CRB1: variants seen among roughly 807,000 people sequenced by gnomAD.
CRB1 encodes protein crumbs homolog 1.
In CRB1, 83 loss-of-function variants were observed where a neutral mutation model predicts 120.0. That is an observed-to-expected ratio of 0.69 (90% confidence interval 0.58 to 0.83). The LOEUF (loss-of-function observed/expected upper bound fraction) is 0.83, where lower values mean the gene tolerates loss of function less well. Ranked by LOEUF, CRB1 falls within the 40% of genes least tolerant of loss-of-function variation. The pLI, the probability that CRB1 is intolerant of heterozygous loss-of-function variation, is 0.00. For missense variants in CRB1, 1,699 were observed against 1,687.6 expected (o/e 1.01, Z -0.12); for synonymous variants, 625 against 612.5 (o/e 1.02, Z -0.30).
chr1:197,249,778 A>G, the CRB1 span, among the ~76,000 whole-genome samples: 1 of 152,042 alleles, frequency 6.6e-6, no homozygotes, highest in Non-Finnish European at 1.5e-5. Context: ...AGATTAACTC[A>G]GATGAGAGAA....
At chr1:197,359,350 T>G (rs554492400) in intron 5 of CRB1, among the ~76,000 whole-genome samples, 3 of 131,254 alleles carry the variant, frequency 2.3e-5, no homozygotes, top group East Asian at 2.0e-4. Flanking sequence ...AGAATAAGAG[T>G]TTTTTTTTTT....
At chr1:197,456,126 A>G (rs914423132) in intron 11 of CRB1, among the ~76,000 whole-genome samples, 1 of 152,170 alleles carries the variant, frequency 6.6e-6, no homozygotes, top group Non-Finnish European at 1.5e-5. Context: ...ACAGTTATAA[A>G]GGAAAACTGA....
intron 5 of CRB1, among the ~76,000 whole-genome samples, chr1:197,370,515 C>G (rs1334790081): frequency 6.6e-6 from 1 of 152,048 alleles, no homozygotes; most frequent in Non-Finnish European, 1.5e-5. Flanking sequence ...AAATCAACTC[C>G]AAAAGGAACT....
chr1:197,237,025 T>C, the CRB1 span, among the ~76,000 whole-genome samples: 1 of 152,158 alleles, frequency 6.6e-6, no homozygotes, highest in Non-Finnish European at 1.5e-5. Context: ...ATTAGGGTAA[T>C]GCTAACCTCG....
chr1:197,325,590 T>C (rs555069453), intron 1 of CRB1, among the ~76,000 whole-genome samples: 2 of 152,302 alleles, frequency 1.3e-5, no homozygotes, highest in East Asian at 3.9e-4. Context: ...TTACTCAATT[T>C]TTTTTCAAAT....
chr1:197,435,503 G>T lies in CRB1; in HGVS notation c.3640G>T (p.Asp1214Tyr). The T allele has an allele frequency of 6.2e-7, 1 of 1,610,644 alleles. No homozygotes were observed. The highest frequency in any genetic ancestry group is 8.5e-7 in the Non-Finnish European group (1 of 1,178,398). The change falls in exon 9 of 12, where the codon GAT becomes TAT. Residue 1214 changes from aspartate (D) to tyrosine (Y), a missense_variant. Asp to Tyr is a radical substitution (Grantham distance 160, BLOSUM62 -3). Coordinates refer to ENST00000367400, the MANE Select transcript of CRB1 (RefSeq NM_201253.3). ...PGYTGVNCEV[D>Y]IDNCQSHQCA... ...ATACACTGGTGTGAACTGTGAAGTG[G>T]ATATAGACAACTGCCAGAGTCACCA...
intron 5 of CRB1, among the ~76,000 whole-genome samples, chr1:197,418,173 T>G (rs1664104212): frequency 6.6e-6 from 1 of 152,184 alleles, no homozygotes; most frequent in Non-Finnish European, 1.5e-5. Flanking sequence ...AATCAAATAC[T>G]TGTTATTAAT....
At position 197,478,078 on chromosome 1, in the gene CRB1, ATTGC is replaced by A; in HGVS notation, c.*200_*203del. ...TTGTTTTATTATATTATATCAGCCA[ATTGC>A]AAAAAAAGTCTGTGCCAGTAATTTC... On this transcript the variant is annotated 3_prime_UTR_variant, in exon 12 of 12. Coordinates refer to ENST00000367400, the MANE Select transcript of CRB1 (RefSeq NM_201253.3). The A allele has an allele frequency of 2.3e-5, 14 of 609,104 alleles. No individual in the cohort carries two copies. Among genetic ancestry groups the A allele is most frequent in the Admixed American group, 1.1e-4 (4 of 35,208 alleles). 37.7% of individuals were successfully genotyped at this position (609,104 alleles called of 1,614,324 possible).
At chr1:197,358,212 C>T (rs1251292770) in intron 5 of CRB1, 3 of 152,056 alleles carry the variant, frequency 2.0e-5, no homozygotes, top group African/African-American at 4.8e-5. Flanking sequence ...CTTACTATTG[C>T]CTCTTTTCAA....
At chr1:197,231,315 A>T in the CRB1 span, among the ~76,000 whole-genome samples, 9 of 152,138 alleles carry the variant, frequency 5.9e-5, no homozygotes, top group African/African-American at 1.9e-4. Context: ...CTTATTTTTG[A>T]TATTTTTCAT....
At chr1:197,342,816 T>C (rs975177004) in intron 2 of CRB1, among the ~76,000 whole-genome samples, 10 of 152,234 alleles carry the variant, frequency 6.6e-5, no homozygotes. Flanking sequence ...GCATTTACTG[T>C]ATCCAACCTC....
intron 1 of CRB1, among the ~76,000 whole-genome samples, chr1:197,307,672 C>T (rs1253373927): frequency 6.6e-6 from 1 of 152,098 alleles, no homozygotes; most frequent in African/African-American, 2.4e-5. Flanking sequence ...CAGAAATGTC[C>T]ATTATCACTG....
At chr1:197,432,152 C>T (rs1479621353) in intron 8 of CRB1, among the ~76,000 whole-genome samples, 1 of 152,004 alleles carries the variant, frequency 6.6e-6, no homozygotes, top group South Asian at 2.1e-4. Flanking sequence ...TTAGGTATAT[C>T]GTGGTTTTTA....
chr1:197,373,445 T>A (rs1169966135), intron 5 of CRB1, among the ~76,000 whole-genome samples: 1 of 152,116 alleles, frequency 6.6e-6, no homozygotes, highest in Non-Finnish European at 1.5e-5. Context: ...GACATGAGGT[T>A]GTCACTAGGG....
At chr1:197,427,345 G>T in intron 6 of CRB1, 109 bp from the exon 7 acceptor site, 5 of 821,556 alleles carry the variant, frequency 6.1e-6, no homozygotes, top group Non-Finnish European at 1.0e-5. Context: ...GTATGCTTGT[G>T]TGCATGTGTG....
intron 5 of CRB1, among the ~76,000 whole-genome samples, chr1:197,415,612 C>CA: frequency 7.7e-6 from 1 of 129,316 alleles, no homozygotes; most frequent in Non-Finnish European, 1.7e-5. Flanking sequence ...TTTCTTTTTT[C>CA]TTTTTTTTTT....
chr1:197,250,549 T>C, the CRB1 span, among the ~76,000 whole-genome samples: 2 of 152,022 alleles, frequency 1.3e-5, no homozygotes, highest in African/African-American at 4.8e-5. Context: ...TATATTACAT[T>C]ACATTGGAGG....
intron 5 of CRB1, among the ~76,000 whole-genome samples, chr1:197,374,633 T>C (rs12083773): frequency 0.26 from 39,905 of 152,122 alleles, 5,641 homozygotes; most frequent in Middle Eastern, 0.39. Flanking sequence ...AGCTCGACAC[T>C]AGTAAACAAG....
At chr1:197,254,997 A>G in the CRB1 span, among the ~76,000 whole-genome samples, 10 of 152,178 alleles carry the variant, frequency 6.6e-5, no homozygotes, top group African/African-American at 2.4e-4. Flanking sequence ...TGTTAAATTT[A>G]AAAGCATGGT....
Sources: allele counts gnomAD v4.1 joint callset (sites outside exome capture counted in the v4.1 genomes callset), GRCh38; gene constraint gnomAD v4.1.1; transcripts MANE v1.5; gene names NCBI Gene and HGNC (gene_info 2026-07-23, HGNC 2026-07-21).